ZWILCH: variants seen among roughly 807,000 people sequenced by gnomAD.
The protein encoded by ZWILCH is protein zwilch homolog.
ZWILCH carries 74 observed loss-of-function variants against 79.9 expected under a neutral mutation model. The observed-to-expected ratio is 0.93, with a 90% CI of 0.77 to 1.12. The LOEUF is 1.12. ZWILCH is among the 50% of genes most tolerant of loss of function. ZWILCH has a pLI of 0.00. For synonymous variants in ZWILCH, 241 were observed against 228.2 expected (o/e 1.06, Z -0.51); for missense variants, 694 against 687.5 (o/e 1.01, Z -0.11).
At chr15:66,514,130 A>G (rs375271170) in intron 3 of ZWILCH, 47 bp downstream of exon 3, 167 of 1,431,640 alleles carry the variant, frequency 1.2e-4, no homozygotes, top group Non-Finnish European at 1.5e-4. Context: ...CCATAACCAA[A>G]TTTGGTTTCT....
Position 66,508,869 on chromosome 15 carries a change from C to T in ZWILCH, c.82C>T (p.Arg28Cys), listed in dbSNP as rs757174315. The change falls in exon 2 of 19, where the codon CGT (arginine) becomes TGT (cysteine). Residue 28 changes from arginine (R) to cysteine (C), a missense_variant. Transcript: ENST00000307897. The stretch of plus-strand genomic sequence containing the variant: ...ATTTAATGAAGAAAAGAAAGGAATC[C>T]GTAAAGACCCATTTCTCTATGAGGT... ...QKFNEEKKGIRKDPFLYEADV... is the reference protein window; with the variant it reads ...QKFNEEKKGICKDPFLYEADV... 1.1e-5 allele frequency: 17 copies of T among 1,613,902 alleles called. No homozygotes were observed. In the East Asian group the frequency reaches 1.6e-4, roughly 15 times the overall value.
At chr15:66,544,953 A>T (rs1895324276) in intron 17 of ZWILCH, among the ~76,000 whole-genome samples, 1 of 151,536 alleles carries the variant, frequency 6.6e-6, no homozygotes, top group Non-Finnish European at 1.5e-5. Context: ...CATGTTGGTC[A>T]GGCTGGTCTC....
At chr15:66,510,229 A>G (rs1404779051) in intron 2 of ZWILCH, among the ~76,000 whole-genome samples, 1 of 149,860 alleles carries the variant, frequency 6.7e-6, no homozygotes, top group Non-Finnish European at 1.5e-5. Context: ...AAAATATAAA[A>G]TAAAATAAAA....
In ZWILCH at chr15:66,528,888, G is replaced by T. The variant is rs780004451; in HGVS notation, c.1006G>T (p.Val336Phe). ...KHDTAAVDRS[V>F]KRLFKVRSDL... ...TGACACTGCTGCAGTCGATCGTTCC[G>T]TCAAGCGTCTTTTCAAAGTTCGGAG... The change falls in exon 11 of 19, where the codon GTC becomes TTC. Residue 336 changes from valine (V) to phenylalanine (F), a missense_variant. Coordinates refer to ENST00000307897, the MANE Select transcript of ZWILCH (RefSeq NM_017975.5). The T allele has an allele frequency of 6.2e-7, 1 of 1,614,060 alleles. No homozygotes were observed. Among genetic ancestry groups the T allele is most frequent in the Non-Finnish European group, 8.5e-7 (1 of 1,179,980 alleles).
intron 7 of ZWILCH, among the ~76,000 whole-genome samples, chr15:66,521,644 C>T (rs909887504): frequency 2.0e-5 from 3 of 152,038 alleles, no homozygotes; most frequent in Non-Finnish European, 4.4e-5. Context: ...TACAGGCAAA[C>T]GCCACCACAC....
intron 2 of ZWILCH, among the ~76,000 whole-genome samples, chr15:66,510,722 A>G (rs1894027997): frequency 6.6e-6 from 1 of 152,182 alleles, no homozygotes; most frequent in African/African-American, 2.4e-5. Flanking sequence ...CTCTTCCTGA[A>G]TTCTCTAAGA....
chr15:66,540,702 C>T (rs1895166116), intron 17 of ZWILCH, among the ~76,000 whole-genome samples: 1 of 150,482 alleles, frequency 6.6e-6, no homozygotes, highest in Admixed American at 6.6e-5. Context: ...CATCTCAGCT[C>T]ACTGCAGCCT....
rs140028397 is a variant in ZWILCH, at chr15:66,522,849, G to A, written c.748-828G>A. 6.0e-3 allele frequency among the ~76,000 whole-genome samples: 913 copies of A among 152,162 alleles called. 4 individuals are homozygous for A. Among genetic ancestry groups the A allele is most frequent in the Non-Finnish European group, 0.01 (703 of 67,986 alleles). ...ATAATTATATTCTTTTTTTGAGACA[G>A]AGTCTTACTGTCACCCAGGCTGGAG... is the stretch of plus-strand genomic sequence containing the variant. On this transcript the variant is annotated intron_variant, in intron 7 of 18. Coordinates refer to ENST00000307897, the MANE Select transcript of ZWILCH (RefSeq NM_017975.5).
chr15:66,532,929 A>C, intron 13 of ZWILCH, 56 bp from the exon 14 acceptor site: 2 of 1,164,110 alleles, frequency 1.7e-6, no homozygotes, highest in Non-Finnish European at 2.4e-6. Context: ...ATTTCTATTA[A>C]TATGTAATAG....
chr15:66,537,397 A>C (rs1895049608), intron 16 of ZWILCH, 134 bp downstream of exon 16: 1 of 555,924 alleles, frequency 1.8e-6, no homozygotes, highest in African/African-American at 1.9e-5. Context: ...GTCTCTATTA[A>C]AAAATAATAA....
chr15:66,523,942 C>T (rs1417234173), intron 8 of ZWILCH, among the ~76,000 whole-genome samples, 194 bp downstream of exon 8: 3 of 152,068 alleles, frequency 2.0e-5, no homozygotes, highest in East Asian at 1.9e-4. Context: ...AGCATTAGGT[C>T]GTTAATAGCT....
chr15:66,540,091 T>A lies in ZWILCH; in HGVS notation c.1575-7T>A. ...ATTTTTCTTTTGTCGTTTTATTCTT[T>A]CCTTAGTGAGAAGCCACAGAAATGG... On this transcript the variant is annotated splice_polypyrimidine_tract_variant and splice_region_variant and intron_variant, in intron 16 of 18. Transcript: ENST00000307897. The A allele has an allele frequency of 6.3e-7, 1 of 1,593,616 alleles. No individual in the cohort carries two copies. The highest frequency in any genetic ancestry group is 8.5e-7 in the Non-Finnish European group (1 of 1,172,266).
At chr15:66,508,178 A>C (rs112502719) in intron 1 of ZWILCH, among the ~76,000 whole-genome samples, 53 of 152,302 alleles carry the variant, frequency 3.5e-4, no homozygotes, top group African/African-American at 1.2e-3. Flanking sequence ...TTCAGTGTAG[A>C]TCAGGCTGGT....
intron 5 of ZWILCH, among the ~76,000 whole-genome samples, chr15:66,519,385 A>G (rs1894407548): frequency 6.6e-6 from 1 of 152,184 alleles, no homozygotes; most frequent in South Asian, 2.1e-4. Flanking sequence ...TATGTTTCCA[A>G]TCGTAGACAT....
At chr15:66,516,023 A>C (rs1254900050) in intron 4 of ZWILCH, among the ~76,000 whole-genome samples, 1 of 152,244 alleles carries the variant, frequency 6.6e-6, no homozygotes, top group Non-Finnish European at 1.5e-5. Flanking sequence ...AAATTCCTTA[A>C]GAATGACACA....
rs1267929377 is a variant in ZWILCH, at chr15:66,549,879, T to TATAA, written c.*1559_*1562dup. On this transcript the variant is annotated 3_prime_UTR_variant, in exon 19 of 19. Transcript: ENST00000307897. ...GGTAGATTAAATGCTTTAAAATGCT[T>TATAA]ATAAATAGAAATTTGACATTGCTTC... The TATAA allele has an allele frequency of 2.1e-6, 1 of 481,120 alleles. No homozygotes were observed. The highest frequency in any genetic ancestry group is 4.0e-5 in the Admixed American group (1 of 25,092). The allele number at this position is 481,120 out of a possible 1,614,324, so 29.8% of individuals were successfully genotyped here.
chr15:66,517,455 T>TATATATATCTATATATATATATAG (rs1180456312), intron 4 of ZWILCH, among the ~76,000 whole-genome samples: 1 of 115,222 alleles, frequency 8.7e-6, no homozygotes, highest in Non-Finnish European at 1.9e-5. Flanking sequence ...TATATATATA[T>TATATATATCTATATATATATATAG]AGTAATGTAC....
intron 4 of ZWILCH, among the ~76,000 whole-genome samples, chr15:66,517,245 TC>T (rs1285352905): frequency 6.8e-6 from 1 of 146,974 alleles, no homozygotes; most frequent in East Asian, 2.0e-4. Flanking sequence ...TTCTCCTTCT[TC>T]CCCTTTTCCT....
chr15:66,509,948 G>A (rs1281633983), intron 2 of ZWILCH, among the ~76,000 whole-genome samples: 1 of 147,674 alleles, frequency 6.8e-6, no homozygotes, highest in South Asian at 2.1e-4. Flanking sequence ...AGGCTGAGGT[G>A]GATGGATCAC....
Sources: gnomAD v4.1 joint callset for allele counts (sites outside exome capture counted in the v4.1 genomes callset) on GRCh38, gnomAD v4.1.1 for gene constraint, MANE v1.5 for transcripts, NCBI Gene and HGNC (gene_info 2026-07-23, HGNC 2026-07-21) for gene names.